Variants in ACOT12 observed in about 807,000 individuals in gnomAD.
ACOT12 encodes the protein acetyl-coenzyme A thioesterase.
ACOT12 carries 51 observed loss-of-function variants against 67.7 expected under a neutral mutation model. That is an observed-to-expected ratio of 0.75 (90% CI 0.60 to 0.95). The LOEUF is 0.95. ACOT12 is among the 40% of genes least tolerant of loss of function. ACOT12 has a pLI of 0.00. For missense variants in ACOT12, 734 were observed against 708.1 expected (o/e 1.04, Z -0.41); for synonymous variants, 251 against 244.6 (o/e 1.03, Z -0.24).
chr5:81,327,619 T>C (rs1307083688), downstream of ACOT12, among the ~76,000 whole-genome samples: 1 of 152,220 alleles, frequency 6.6e-6, no homozygotes, highest in Non-Finnish European at 1.5e-5. Flanking sequence ...TTTTGTATTT[T>C]TAGTAAAGAC....
intron 7 of ACOT12, 75 bp downstream of exon 7, chr5:81,345,810 A>T: frequency 6.3e-7 from 1 of 1,580,742 alleles, no homozygotes; most frequent in East Asian, 2.3e-5. Flanking sequence ...TCCCATACTC[A>T]CCTCCAGGCT....
At chr5:81,364,909 G>C (rs915455034) in intron 3 of ACOT12, among the ~76,000 whole-genome samples, 1 of 151,924 alleles carries the variant, frequency 6.6e-6, no homozygotes, top group Non-Finnish European at 1.5e-5. Flanking sequence ...TCTCTAGGCA[G>C]CATAGTCTCA....
chr5:81,374,922 A>T (rs559877405), intron 2 of ACOT12, among the ~76,000 whole-genome samples: 66 of 152,320 alleles, frequency 4.3e-4, no homozygotes, highest in Admixed American at 9.2e-4. Context: ...ACTCTTCAGG[A>T]TATTATCCAG....
At chr5:81,356,545 G>A (rs908159320) in intron 5 of ACOT12, among the ~76,000 whole-genome samples, 5 of 152,090 alleles carry the variant, frequency 3.3e-5, no homozygotes, top group African/African-American at 1.2e-4. Flanking sequence ...CCCAGCTGTG[G>A]TCTCTTCCTT....
intron 2 of ACOT12, among the ~76,000 whole-genome samples, chr5:81,374,108 G>C (rs1434435139): frequency 6.6e-6 from 1 of 152,182 alleles, no homozygotes; most frequent in Non-Finnish European, 1.5e-5. Context: ...CATCTGGCAG[G>C]TGCCCCTATG....
downstream of ACOT12, among the ~76,000 whole-genome samples, chr5:81,325,393 T>C (rs1758650476): frequency 6.6e-6 from 1 of 152,156 alleles, no homozygotes; most frequent in Non-Finnish European, 1.5e-5. Flanking sequence ...GTGAGACCAG[T>C]ACACAATTTT....
At position 81,333,398 on chromosome 5, in the gene ACOT12, G is replaced by A. The variant is rs996728056; in HGVS notation, c.1263-793C>T. On this transcript the variant is annotated intron_variant, in intron 12 of 14. Transcript: ENST00000307624. ...GCCACTTACTCGCTACATAAGTTGCGTTAGGCAAGTCATTTGATTTTTTCA... is the reference window on the plus strand; with the variant it reads ...GCCACTTACTCGCTACATAAGTTGCATTAGGCAAGTCATTTGATTTTTTCA... Among the ~76,000 whole-genome samples, 17 of 152,126 alleles carry A rather than the reference G, an allele frequency of 1.1e-4. 1 individual carries two copies. The highest frequency in any genetic ancestry group is 3.1e-4 in the African/African-American group (13 of 41,422).
chr5:81,369,167 A>C (rs79380259), intron 3 of ACOT12, among the ~76,000 whole-genome samples: 23 of 151,994 alleles, frequency 1.5e-4, no homozygotes, highest in South Asian at 4.1e-4. Flanking sequence ...AAAAAAAAAA[A>C]CTCACACTCA....
chr5:81,339,374 G>A (rs1020544345), intron 11 of ACOT12, among the ~76,000 whole-genome samples: 2 of 152,138 alleles, frequency 1.3e-5, no homozygotes, highest in Admixed American at 1.3e-4. Flanking sequence ...GTTTTCAAGT[G>A]GTTCATGTCA....
intron 2 of ACOT12, among the ~76,000 whole-genome samples, chr5:81,379,517 A>T (rs1347104737): frequency 6.6e-6 from 1 of 152,176 alleles, no homozygotes; most frequent in East Asian, 1.9e-4. Flanking sequence ...AACGCTTTGT[A>T]TCATAATCTA....
At chr5:81,324,666 C>T in the ACOT12 span, among the ~76,000 whole-genome samples, 2 of 152,046 alleles carry the variant, frequency 1.3e-5, no homozygotes, top group African/African-American at 4.8e-5. Flanking sequence ...GGAAGAACCA[C>T]AAGAAAAGGC....
chr5:81,337,177 C>T (rs1325841203), intron 11 of ACOT12, among the ~76,000 whole-genome samples: 1 of 152,114 alleles, frequency 6.6e-6, no homozygotes, highest in East Asian at 1.9e-4. Context: ...ATCAGTCATC[C>T]AATCGGTGGT....
chr5:81,387,238 C>T (rs1760753870), intron 1 of ACOT12, among the ~76,000 whole-genome samples: 1 of 152,098 alleles, frequency 6.6e-6, no homozygotes, highest in Non-Finnish European at 1.5e-5. Flanking sequence ...ATCTCCTGAC[C>T]TCGTGATCTG....
chr5:81,345,097 C>G, intron 7 of ACOT12, 56 bp from the exon 8 acceptor site: 1 of 1,588,082 alleles, frequency 6.3e-7, no homozygotes, highest in Non-Finnish European at 8.6e-7. Context: ...ATCAGGCCCT[C>G]CTTGCACACC....
In ACOT12 at chr5:81,347,767, C is replaced by CAAG; in HGVS notation, c.653+4_653+6dup. The CAAG allele has an allele frequency of 6.2e-7, 1 of 1,613,388 alleles. No individual in the cohort carries two copies. The stretch of plus-strand genomic sequence containing the variant: ...AAAATCATAGGCCGAAGGTCAAAAC[C>CAAG]AAGAACCTTGCAGAAATAGTAGCCA... On this transcript the variant is annotated splice_region_variant and intron_variant, in intron 6 of 14. Transcript: ENST00000307624.
the ACOT12 span, chr5:81,311,313 A>G: frequency 6.3e-7 from 1 of 1,597,712 alleles, no homozygotes; most frequent in East Asian, 2.2e-5. Flanking sequence ...AGAAGGGGTG[A>G]GATTAGTATT....
At chr5:81,324,102 C>T in the ACOT12 span, among the ~76,000 whole-genome samples, 3 of 151,778 alleles carry the variant, frequency 2.0e-5, no homozygotes, top group African/African-American at 4.8e-5. Flanking sequence ...CCACCATGCC[C>T]GGCTAATTTT....
At chr5:81,333,752 G>A (rs1158537659) in intron 12 of ACOT12, among the ~76,000 whole-genome samples, 3 of 151,980 alleles carry the variant, frequency 2.0e-5, no homozygotes, top group South Asian at 2.1e-4. Flanking sequence ...CATTAACCAC[G>A]ATGTATCATT....
At chr5:81,331,231 C>T (rs901353528) in intron 13 of ACOT12, among the ~76,000 whole-genome samples, 1 of 152,174 alleles carries the variant, frequency 6.6e-6, no homozygotes, top group African/African-American at 2.4e-5. Context: ...ATTTCAGCCT[C>T]CTTTCCTTTT....
Sources: gnomAD v4.1 joint callset for allele counts (sites outside exome capture counted in the v4.1 genomes callset) on GRCh38, gnomAD v4.1.1 for gene constraint, MANE v1.5 for transcripts, NCBI Gene and HGNC (gene_info 2026-07-23, HGNC 2026-07-21) for gene names.